GRID2: variants seen among roughly 807,000 people sequenced by gnomAD.
The protein encoded by GRID2 is glutamate receptor ionotropic, delta-2.
GRID2 carries 33 observed loss-of-function variants against 114.8 expected under a neutral mutation model. The ratio of observed to expected loss-of-function variants is 0.29; its 90% CI spans 0.22 to 0.38. The LOEUF is 0.38. GRID2 is among the 10% of genes least tolerant of loss of function. The pLI is 1.00. For synonymous variants in GRID2, 505 were observed against 449.9 expected (o/e 1.12, Z -1.55); for missense variants, 1,184 against 1,257.7 (o/e 0.94, Z 0.89).
chr4:93,369,531 C>T (rs1762669696), intron 8 of GRID2, among the ~76,000 whole-genome samples: 2 of 152,144 alleles, frequency 1.3e-5, no homozygotes, highest in Admixed American at 1.3e-4. Context: ...GCTCTGTTGT[C>T]AAGGCTGGAG....
chr4:93,591,786 A>G (rs543625574), intron 13 of GRID2, among the ~76,000 whole-genome samples: 44 of 152,238 alleles, frequency 2.9e-4, no homozygotes, highest in Admixed American at 1.4e-3. Context: ...TAGTCTTGGG[A>G]GAGTGTATGT....
At chr4:93,654,540 T>C (rs1384416406) in intron 14 of GRID2, among the ~76,000 whole-genome samples, 2 of 152,186 alleles carry the variant, frequency 1.3e-5, no homozygotes, top group East Asian at 3.9e-4. Flanking sequence ...TTGATTGCTA[T>C]TATTACAGAC....
rs34933712 is a variant in GRID2 at position 92,961,379 on chromosome 4, A to AT, written c.245-123601dup. ...GTCTGCTGACAACACATCCCCTCAA[A>AT]TTTTTTTTTTTTTTTGGTCTAAGAA... On this transcript the variant is annotated intron_variant, in intron 2 of 15. Coordinates refer to ENST00000282020, the MANE Select transcript of GRID2 (RefSeq NM_001510.4). Among the ~76,000 whole-genome samples, 1,276 of 137,646 alleles carry AT rather than the reference A, an allele frequency of 9.3e-3. 11 individuals carry two copies. The highest frequency in any genetic ancestry group is 0.025 in the African/African-American group (946 of 37,914). The allele number at this position is 137,646 out of a possible 152,430, so 90.3% of individuals were successfully genotyped here.
At chr4:92,425,165 AT>A (rs916750962) in intron 1 of GRID2, among the ~76,000 whole-genome samples, 1 of 151,978 alleles carries the variant, frequency 6.6e-6, no homozygotes, top group Non-Finnish European at 1.5e-5. Flanking sequence ...AAGGAAGATG[AT>A]TTTTTTCCAC....
At chr4:92,914,335 T>C (rs1710742664) in intron 2 of GRID2, among the ~76,000 whole-genome samples, 1 of 152,156 alleles carries the variant, frequency 6.6e-6, no homozygotes. Context: ...TAAATTTCCC[T>C]CTTATACTAT....
chr4:93,057,784 A>C lies in GRID2; in HGVS notation c.245-27211A>C, dbSNP rs79159619. Among the ~76,000 whole-genome samples the C allele has an allele frequency of 7.7e-3, 1,175 of 151,936 alleles. 16 individuals are homozygous for C. Among genetic ancestry groups the C allele is most frequent in the African/African-American group, 0.027 (1,108 of 41,516 alleles). ...ATATTCAATGAACAGCACCCGCCAG[A>C]ATTCTTATCTGCATTTAATATTAAG... On this transcript the variant is annotated intron_variant, in intron 2 of 15. Coordinates refer to ENST00000282020, the MANE Select transcript of GRID2 (RefSeq NM_001510.4).
At chr4:93,162,925 A>T (rs537499800) in intron 4 of GRID2, among the ~76,000 whole-genome samples, 3 of 152,092 alleles carry the variant, frequency 2.0e-5, no homozygotes, top group African/African-American at 4.8e-5. Context: ...GTATTCATTC[A>T]TGCTGGCCCA....
intron 2 of GRID2, among the ~76,000 whole-genome samples, chr4:93,061,146 C>A (rs1264444965): frequency 6.9e-6 from 1 of 145,312 alleles, no homozygotes; most frequent in East Asian, 2.0e-4. Context: ...AAATAAATAG[C>A]CATTGTAGAA....
At chr4:93,236,497 C>A (rs1355704959) in intron 7 of GRID2, among the ~76,000 whole-genome samples, 1 of 151,912 alleles carries the variant, frequency 6.6e-6, no homozygotes, top group Non-Finnish European at 1.5e-5. Flanking sequence ...TTCTGAGGAG[C>A]CACAAACCAT....
At chr4:93,099,111 G>T (rs935607240) in intron 3 of GRID2, among the ~76,000 whole-genome samples, 4 of 149,862 alleles carry the variant, frequency 2.7e-5, no homozygotes, top group South Asian at 2.1e-4. Flanking sequence ...CAAATAATTT[G>T]GTCAAGTATA....
rs537244065 is a variant in GRID2 at position 92,684,185 on chromosome 4, A to G, written c.244+93899A>G. 6.6e-5 allele frequency among the ~76,000 whole-genome samples: 10 copies of G among 152,144 alleles called. No homozygotes were observed. In the South Asian group the frequency reaches 1.9e-3, roughly 28 times the overall value. On this transcript the variant is annotated intron_variant, in intron 2 of 15. Coordinates refer to ENST00000282020, the MANE Select transcript of GRID2 (RefSeq NM_001510.4). ...TTATACTATCATATATAAAAGTACA[A>G]TATTTTGTGTGGGAATGAAATTTTA...
At chr4:92,910,106 C>T (rs1395631305) in intron 2 of GRID2, among the ~76,000 whole-genome samples, 2 of 151,334 alleles carry the variant, frequency 1.3e-5, no homozygotes, top group Non-Finnish European at 2.9e-5. Flanking sequence ...AATTTAAAGC[C>T]ATTATAATAT....
chr4:93,617,101 A>C (rs1400497188), intron 13 of GRID2, among the ~76,000 whole-genome samples: 1 of 152,226 alleles, frequency 6.6e-6, no homozygotes, highest in African/African-American at 2.4e-5. Flanking sequence ...TATTTGACAC[A>C]AAACTTTACT....
intron 1 of GRID2, among the ~76,000 whole-genome samples, chr4:92,338,492 A>T (rs1727301947): frequency 6.6e-6 from 1 of 152,138 alleles, no homozygotes; most frequent in African/African-American, 2.4e-5. Flanking sequence ...AAAATTATAT[A>T]ACATTGTTCC....
chr4:92,657,911 T>A (rs1203678197), intron 2 of GRID2, among the ~76,000 whole-genome samples: 2 of 150,934 alleles, frequency 1.3e-5, no homozygotes, highest in African/African-American at 4.9e-5. Flanking sequence ...TAGATGTGTA[T>A]CTTTGTTCAG....
intron 1 of GRID2, among the ~76,000 whole-genome samples, chr4:92,440,370 G>A (rs953330322): frequency 3.4e-5 from 5 of 148,396 alleles, no homozygotes; most frequent in Non-Finnish European, 6.1e-5. Flanking sequence ...AAATGACTGC[G>A]GTGGCCTTCT....
intron 4 of GRID2, among the ~76,000 whole-genome samples, chr4:93,128,757 T>C (rs1004688288): frequency 6.6e-6 from 1 of 152,186 alleles, no homozygotes; most frequent in Non-Finnish European, 1.5e-5. Context: ...AAATAAATGT[T>C]CATCCTGGTT....
At chr4:93,331,681 A>G (rs1758477945) in intron 8 of GRID2, among the ~76,000 whole-genome samples, 1 of 152,132 alleles carries the variant, frequency 6.6e-6, no homozygotes, top group South Asian at 2.1e-4. Flanking sequence ...ACACATATAT[A>G]GGAGTTAATA....
intron 2 of GRID2, among the ~76,000 whole-genome samples, chr4:92,752,905 G>A (rs942854217): frequency 4.6e-5 from 7 of 152,112 alleles, no homozygotes; most frequent in African/African-American, 1.7e-4. Context: ...GACTTTCAAA[G>A]GCAACAGTGT....
Sources: allele counts gnomAD v4.1 joint callset (sites outside exome capture counted in the v4.1 genomes callset), GRCh38; gene constraint gnomAD v4.1.1; transcripts MANE v1.5; gene names NCBI Gene and HGNC (gene_info 2026-07-23, HGNC 2026-07-21).